SRP54: variants seen among roughly 807,000 people sequenced by gnomAD.
SRP54 encodes the protein signal recognition particle 54, also known as signal recognition particle subunit SRP54.
SRP54 carries 10 observed loss-of-function variants against 64.8 expected under a neutral mutation model. The ratio of observed to expected loss-of-function variants is 0.15; its 90% CI spans 0.10 to 0.26. The LOEUF is 0.26. SRP54 is among the 10% of genes least tolerant of loss of function. The pLI is 1.00. For synonymous variants in SRP54, 193 were observed against 185.6 expected (o/e 1.04, Z -0.32); for missense variants, 325 against 613.7 (o/e 0.53, Z 4.97).
At position 35,003,574 on chromosome 14, in the gene SRP54, T is replaced by TG. The variant is rs1249278974; in HGVS notation, c.255+2554_255+2555insG. On this transcript the variant is annotated intron_variant, in intron 4 of 15. Transcript: ENST00000216774. ...TTTTTGTTTTTTTGGTTTTTTTGGT[T>TG]TTTTTTTTTTTTGAGACAGGGTCTT... Among the ~76,000 whole-genome samples, 62 of 28,756 alleles carry TG rather than the reference T, an allele frequency of 2.2e-3. 1 individual carries two copies. Among genetic ancestry groups the TG allele is most frequent in the African/African-American group, 3.8e-3 (50 of 13,220 alleles). 18.9% of individuals were successfully genotyped at this position (28,756 alleles called of 152,430 possible). A position where few individuals can be genotyped will look rare whatever the true frequency, so the allele number is the denominator to read the frequency against.
At chr14:34,989,338 T>C (rs1206115473) in intron 1 of SRP54, among the ~76,000 whole-genome samples, 1 of 152,056 alleles carries the variant, frequency 6.6e-6, no homozygotes, top group Non-Finnish European at 1.5e-5. Flanking sequence ...AAACCCTGTC[T>C]CTACTAAAAA....
At chr14:34,996,000 G>A (rs540160778) in intron 1 of SRP54, among the ~76,000 whole-genome samples, 2 of 151,418 alleles carry the variant, frequency 1.3e-5, no homozygotes, top group South Asian at 2.1e-4. Context: ...AGGAAGTTGA[G>A]GCTGCAGTCA....
At chr14:35,013,297 G>T (rs1377468268) in intron 8 of SRP54, 49 bp from the exon 9 acceptor site, 17 of 1,530,734 alleles carry the variant, frequency 1.1e-5, no homozygotes, top group African/African-American at 1.4e-5. Context: ...ATTTGCTTAG[G>T]ATCAATAAAA....
intron 1 of SRP54, among the ~76,000 whole-genome samples, chr14:34,988,578 A>AAATAT (rs1384552218): frequency 5.1e-4 from 24 of 47,092 alleles, no homozygotes; most frequent in East Asian, 1.9e-3. Context: ...AAAAAAAAAA[A>AAATAT]ATATATATAT....
At chr14:34,993,144 A>G (rs799495) in intron 1 of SRP54, 114,068 of 152,170 alleles carry the variant, frequency 0.75, 43,804 homozygotes, top group Non-Finnish European at 0.84. Flanking sequence ...ATAGGCGTAA[A>G]CCACCATGCC....
rs2043829007 is a variant in SRP54 at position 34,983,052 on chromosome 14, G to C, written c.-197G>C. ...TCCAGCTGGTGGGAGTTGACGACGT[G>C]GTGCTGGGCGTTGGGACCCTACTTT... On this transcript the variant is annotated 5_prime_UTR_variant, in exon 1 of 16. Coordinates refer to ENST00000216774, the MANE Select transcript of SRP54 (RefSeq NM_003136.4). The C allele has an allele frequency of 6.6e-6, 1 of 152,292 alleles. No individual in the cohort carries two copies. The highest frequency in any genetic ancestry group is 1.5e-5 in the Non-Finnish European group (1 of 68,114). 9.4% of individuals were successfully genotyped at this position (152,292 alleles called of 1,614,324 possible).
intron 1 of SRP54, among the ~76,000 whole-genome samples, chr14:34,988,578 A>AATATATATAT (rs1555352766): frequency 1.5e-4 from 7 of 47,082 alleles, no homozygotes; most frequent in Non-Finnish European, 2.9e-4. Flanking sequence ...AAAAAAAAAA[A>AATATATATAT]ATATATATAT....
intron 11 of SRP54, among the ~76,000 whole-genome samples, chr14:35,015,107 C>CT (rs2044417239): frequency 6.6e-6 from 1 of 152,090 alleles, no homozygotes; most frequent in Non-Finnish European, 1.5e-5. Context: ...GACAGAGTCT[C>CT]ACTCTGTTAC....
chr14:35,027,042 T>TTC (rs71121261), intron 14 of SRP54, among the ~76,000 whole-genome samples: 1 of 150,632 alleles, frequency 6.6e-6, no homozygotes, highest in South Asian at 2.1e-4. Flanking sequence ...TTTTTTTTTT[T>TTC]CTTCTGAGAC....
At chr14:35,023,745 C>T (rs1017389773) in intron 14 of SRP54, among the ~76,000 whole-genome samples, 9 of 151,526 alleles carry the variant, frequency 5.9e-5, no homozygotes, top group Admixed American at 1.3e-4. Context: ...GATTGTACCA[C>T]TGTACTCCAG....
chr14:34,994,932 CTTTTTTTTT>C (rs59058538), intron 1 of SRP54, among the ~76,000 whole-genome samples: 25 of 84,498 alleles, frequency 3.0e-4, no homozygotes, highest in African/African-American at 1.2e-3. Flanking sequence ...TGCCTGGCTA[CTTTTTTTTT>C]TTTTTTTTTT....
At chr14:34,984,412 G>A (rs987829035) in intron 1 of SRP54, among the ~76,000 whole-genome samples, 1 of 152,180 alleles carries the variant, frequency 6.6e-6, no homozygotes, top group Non-Finnish European at 1.5e-5. Context: ...AACCCAAATG[G>A]TCTTCCACAG....
At chr14:34,984,468 A>G (rs755127050) in intron 1 of SRP54, among the ~76,000 whole-genome samples, 7 of 152,080 alleles carry the variant, frequency 4.6e-5, no homozygotes, top group Non-Finnish European at 1.0e-4. Context: ...TTGTCCCTAT[A>G]TGCCAACCAT....
chr14:34,987,903 A>G (rs553428782), intron 1 of SRP54, among the ~76,000 whole-genome samples: 1 of 152,306 alleles, frequency 6.6e-6, no homozygotes, highest in Non-Finnish European at 1.5e-5. Flanking sequence ...GCCTGTTTTT[A>G]GCATTAGCAA....
chr14:34,994,653 A>G (rs2044038242), intron 1 of SRP54, among the ~76,000 whole-genome samples: 1 of 152,022 alleles, frequency 6.6e-6, no homozygotes, highest in African/African-American at 2.4e-5. Context: ...ATGCTATTTC[A>G]TCTTCCTCAA....
chr14:35,012,295 A>G (rs948263288), intron 8 of SRP54, among the ~76,000 whole-genome samples: 1 of 152,034 alleles, frequency 6.6e-6, no homozygotes, highest in Non-Finnish European at 1.5e-5. Flanking sequence ...AGTTGGAAAT[A>G]CTTAGATTTT....
chr14:35,020,700 A>G (rs778790518), intron 13 of SRP54, among the ~76,000 whole-genome samples: 30 of 152,140 alleles, frequency 2.0e-4, no homozygotes, highest in Non-Finnish European at 3.1e-4. Flanking sequence ...CACTGCAAAA[A>G]TGTTTGCATG....
chr14:34,991,490 A>T (rs1023144015), intron 1 of SRP54, among the ~76,000 whole-genome samples: 3 of 151,772 alleles, frequency 2.0e-5, no homozygotes, highest in African/African-American at 7.3e-5. Flanking sequence ...GCCATATGTC[A>T]GTTGATAATA....
chr14:35,019,158 A>G, intron 13 of SRP54, 84 bp downstream of exon 13: 1 of 908,894 alleles, frequency 1.1e-6, no homozygotes. Flanking sequence ...TGTGGACAAG[A>G]TGGGGAGAAA....
Sources: allele counts gnomAD v4.1 joint callset (sites outside exome capture counted in the v4.1 genomes callset), GRCh38; gene constraint gnomAD v4.1.1; transcripts MANE v1.5; gene names NCBI Gene and HGNC (gene_info 2026-07-23, HGNC 2026-07-21).